The following JPH1 variants were observed in gnomAD, a reference collection of about 807,000 sequenced individuals.
JPH1 encodes junctophilin 1, also known as junctophilin-1.
Under a neutral mutation model 53.6 loss-of-function variants are expected in JPH1, and 12 were observed. The observed-to-expected ratio is 0.22, with a 90% CI of 0.14 to 0.36. JPH1 has a LOEUF of 0.36. Among genes scored for constraint, JPH1 ranks in the 10% least tolerant of loss-of-function variants. JPH1 has a pLI of 1.00. For synonymous variants in JPH1, 375 were observed against 363.8 expected (o/e 1.03, Z -0.35); for missense variants, 808 against 905.5 (o/e 0.89, Z 1.38).
At chr8:74,312,448 C>T (rs1486361325) in intron 2 of JPH1, among the ~76,000 whole-genome samples, 2 of 152,186 alleles carry the variant, frequency 1.3e-5, no homozygotes, top group African/African-American at 4.8e-5. Flanking sequence ...GGGGGTCTCA[C>T]TATGTTGCAG....
In JPH1 at chr8:74,244,557, C is replaced by CATG. The variant is rs1805790593; in HGVS notation, c.1874_1876dup (p.Ser625dup). 6.2e-7 allele frequency: 1 copy of CATG among 1,611,226 alleles called. No homozygotes were observed. ...ATTGGCTTCTTTTTCCAAAGCAGGGCATGAATCGTTGCTTGCTGGATTCTT... is the reference window on the plus strand; with the variant it reads ...ATTGGCTTCTTTTTCCAAAGCAGGGCATGATGAATCGTTGCTTGCTGGATTCTT... On this transcript the variant is annotated inframe_insertion, in exon 4 of 6. Transcript: ENST00000342232.
chr8:74,257,080 TAAG>T (rs1196986839), intron 3 of JPH1, among the ~76,000 whole-genome samples: 2 of 152,142 alleles, frequency 1.3e-5, no homozygotes, highest in East Asian at 1.9e-4. Context: ...TATGCTCCCT[TAAG>T]AAGATCAATA....
chr8:74,278,864 T>C (rs1452627536), intron 2 of JPH1, among the ~76,000 whole-genome samples: 1 of 152,176 alleles, frequency 6.6e-6, no homozygotes, highest in Non-Finnish European at 1.5e-5. Context: ...TTAAAAGTCT[T>C]GGAGATGTGG....
At chr8:74,282,593 C>T (rs115271413) in intron 2 of JPH1, among the ~76,000 whole-genome samples, 172 of 152,090 alleles carry the variant, frequency 1.1e-3, no homozygotes, top group African/African-American at 3.8e-3. Flanking sequence ...CATTCTTTTG[C>T]GGAAGCTGAA....
intron 2 of JPH1, among the ~76,000 whole-genome samples, chr8:74,296,543 G>C (rs1019126990): frequency 2.0e-5 from 3 of 152,150 alleles, no homozygotes; most frequent in Admixed American, 1.3e-4. Flanking sequence ...GTGATGCAAT[G>C]AATGGGGAAA....
chr8:74,312,073 G>A (rs1051458522), intron 2 of JPH1, among the ~76,000 whole-genome samples: 5 of 152,080 alleles, frequency 3.3e-5, no homozygotes, highest in South Asian at 2.1e-4. Flanking sequence ...AGCTGTAATC[G>A]GAAGTATTCA....
intron 2 of JPH1, 75 bp from the exon 3 acceptor site, chr8:74,259,578 C>T (rs553390432): frequency 9.3e-7 from 1 of 1,079,194 alleles, no homozygotes; most frequent in Non-Finnish European, 1.3e-6. Context: ...AAATTGTAAT[C>T]TGGGAAAAGA....
rs3780012 is a variant in JPH1, at chr8:74,234,974, G to C, written c.*2077C>G. On this transcript the variant is annotated 3_prime_UTR_variant, in exon 6 of 6. Transcript: ENST00000342232. ...CATTTTAGAAAAATACCAACAATTT[G>C]AGCTTTGTTTTAAAAAAGCTTATAA... 1,194 of 152,594 alleles carry C rather than the reference G, an allele frequency of 7.8e-3. 8 individuals are homozygous for C. The highest frequency in any genetic ancestry group is 0.019 in the East Asian group (97 of 5,186). The allele number at this position is 152,594 out of a possible 1,614,324, so 9.5% of individuals were successfully genotyped here. A position where few individuals can be genotyped will look rare whatever the true frequency, so the allele number is the denominator to read the frequency against.
At chr8:74,256,574 AC>A (rs1350056703) in intron 3 of JPH1, among the ~76,000 whole-genome samples, 3 of 151,968 alleles carry the variant, frequency 2.0e-5, no homozygotes, top group Non-Finnish European at 2.9e-5. Context: ...CAAGAAAAAA[AC>A]AACCCCATCA....
At chr8:74,291,957 A>T (rs1305707445) in intron 2 of JPH1, among the ~76,000 whole-genome samples, 4 of 152,188 alleles carry the variant, frequency 2.6e-5, no homozygotes, top group African/African-American at 9.7e-5. Flanking sequence ...GTTCTCATTC[A>T]TAGGTGGGAA....
chr8:74,315,390 C>T lies in JPH1; in HGVS notation c.610G>A (p.Ala204Thr). 1 of 1,612,630 alleles carries T rather than the reference C, an allele frequency of 6.2e-7. No individual in the cohort carries two copies. Among genetic ancestry groups the T allele is most frequent in the South Asian group, 1.1e-5 (1 of 91,070 alleles). The change falls in exon 2 of 6, where the codon GCG becomes ACG. Residue 204 changes from alanine to threonine, a missense_variant. Ala to Thr is a moderately conservative substitution (Grantham distance 58). Transcript: ENST00000342232. This position sits in a 1 kb window ranked among gnomAD's most constrained non-coding sequence, Gnocchi z 6.3. ...VLNFHADAELAGKKKGGLFRR... is the reference protein window; with the variant it reads ...VLNFHADAELTGKKKGGLFRR... Reference sequence around the variant, plus strand: ...AAGAGGCCGCCCTTCTTCTTGCCCGCTAGCTCAGCGTCTGCGTGGAAGTTG... The same window carrying T: ...AAGAGGCCGCCCTTCTTCTTGCCCGTTAGCTCAGCGTCTGCGTGGAAGTTG...
At chr8:74,252,912 A>G (rs1374732755) in intron 3 of JPH1, among the ~76,000 whole-genome samples, 1 of 152,076 alleles carries the variant, frequency 6.6e-6, no homozygotes, top group Admixed American at 6.5e-5. Context: ...GTGACCTAGA[A>G]AGAGACTTAG....
rs1805813922 is a variant in JPH1 at position 74,244,998 on chromosome 8, G to A, written c.1436C>T (p.Ser479Phe). 1 of 1,614,086 alleles carries A rather than the reference G, an allele frequency of 6.2e-7. No homozygotes were observed. The highest frequency in any genetic ancestry group is 1.1e-5 in the South Asian group (1 of 91,062). Residue 479 changes from serine (S) to phenylalanine (F), a missense_variant, in exon 4 of 6, where the codon TCC becomes TTC. Transcript: ENST00000342232. ...SPKHSHSPAS[S>F]PKPLKKQNPS... ...GTTTTGCTTCTTCAGGGGCTTTGGG[G>A]AGGAAGCAGGAGAGTGGCTGTGTTT...
intron 3 of JPH1, among the ~76,000 whole-genome samples, chr8:74,253,973 A>G (rs1310157942): frequency 6.6e-6 from 1 of 152,132 alleles, no homozygotes; most frequent in Non-Finnish European, 1.5e-5. Flanking sequence ...TACAAGGAGG[A>G]GCTGGTACCA....
At chr8:74,241,425 G>C (rs1586729224) in intron 4 of JPH1, among the ~76,000 whole-genome samples, 1 of 152,172 alleles carries the variant, frequency 6.6e-6, no homozygotes, top group East Asian at 1.9e-4. Flanking sequence ...GACTGACTGG[G>C]ACAGGTGTAA....
At chr8:74,259,064 TA>T (rs1806316118) in intron 3 of JPH1, among the ~76,000 whole-genome samples, 2 of 152,210 alleles carry the variant, frequency 1.3e-5, no homozygotes, top group Admixed American at 1.3e-4. Context: ...AAAAATATAC[TA>T]TAAAATTACC....
intron 2 of JPH1, among the ~76,000 whole-genome samples, chr8:74,261,406 T>TA (rs970175842): frequency 1.3e-5 from 2 of 152,198 alleles, no homozygotes; most frequent in Non-Finnish European, 2.9e-5. Context: ...AAAACTGCTC[T>TA]AAAAAATAAA....
intron 3 of JPH1, among the ~76,000 whole-genome samples, chr8:74,251,569 A>G (rs1353557001): frequency 6.6e-6 from 1 of 152,200 alleles, no homozygotes; most frequent in Non-Finnish European, 1.5e-5. Context: ...CCTTTGGGGG[A>G]GAAAGCCATC....
intron 2 of JPH1, among the ~76,000 whole-genome samples, chr8:74,300,254 T>G (rs1451631904): frequency 6.6e-6 from 1 of 152,228 alleles, no homozygotes; most frequent in Non-Finnish European, 1.5e-5. Flanking sequence ...GACTAGCCAT[T>G]TTGACGTTTA....
Sources: allele counts gnomAD v4.1 joint callset (sites outside exome capture counted in the v4.1 genomes callset), GRCh38; gene constraint gnomAD v4.1.1; non-coding constraint Gnocchi (gnomAD v3.1); transcripts MANE v1.5; gene names NCBI Gene and HGNC (gene_info 2026-07-23, HGNC 2026-07-21).